Variants in ZNF567 observed in about 807,000 individuals in gnomAD.
ZNF567 encodes zinc finger protein 567.
ZNF567 carries 36 observed loss-of-function variants against 53.9 expected under a neutral mutation model. The observed-to-expected ratio is 0.67, with a 90% CI of 0.51 to 0.88. The LOEUF (loss-of-function observed/expected upper bound fraction) is 0.88. Among genes scored for constraint, ZNF567 ranks in the 40% least tolerant of loss-of-function variants. The probability of loss-of-function intolerance (pLI) is 0.00; values close to 1 mark genes in which losing one functional copy is unlikely to be tolerated. For synonymous variants in ZNF567, 224 were observed against 260.4 expected (o/e 0.86, Z 1.35); for missense variants, 619 against 764.7 (o/e 0.81, Z 2.25).
the ZNF567 span, among the ~76,000 whole-genome samples, chr19:36,673,518 A>G: frequency 5.3e-5 from 8 of 152,190 alleles, no homozygotes; most frequent in African/African-American, 1.9e-4. Flanking sequence ...CTAATGTCTG[A>G]GCAAGAGGGA....
At chr19:36,723,348 T>A (rs1240396256), downstream of ZNF567, 1 of 679,864 alleles carries the variant, frequency 1.5e-6, no homozygotes, top group East Asian at 2.7e-5. Flanking sequence ...ATCTGTGGCA[T>A]CACTGCATGT....
At chr19:36,721,523 A>G (rs1198157014), downstream of ZNF567, among the ~76,000 whole-genome samples, 1 of 152,144 alleles carries the variant, frequency 6.6e-6, no homozygotes, top group Non-Finnish European at 1.5e-5. Flanking sequence ...TGAATGCAGT[A>G]TATGTAGAAG....
intron 4 of ZNF567, 93 bp from the exon 5 acceptor site, chr19:36,712,688 G>C: frequency 7.2e-7 from 1 of 1,385,190 alleles, no homozygotes. Context: ...TACACAAATG[G>C]GTGTCTTAAT....
Position 36,719,622 on chromosome 19 carries a change from C to A in ZNF567, c.898C>A (p.Gln300Lys). The change falls in exon 6 of 6, where the codon CAG (glutamine) becomes AAG (lysine). Residue 300 changes from glutamine (Q) to lysine (K), a missense_variant. Gln to Lys is a moderately conservative substitution (Grantham distance 53). Coordinates refer to ENST00000682579, the MANE Select transcript of ZNF567 (RefSeq NM_001322917.1). ...AAGGAAATCATATCTCATTGATCAT[C>A]AGAGAACTCACACAGGAGAGAAACC... ...FRRKSYLIDH[Q>K]RTHTGEKPFV... is the part of the protein sequence containing the mutation. 1 of 1,613,996 alleles carries A rather than the reference C, an allele frequency of 6.2e-7. No individual in the cohort carries two copies. The highest frequency in any genetic ancestry group is 1.1e-5 in the South Asian group (1 of 91,074).
At chr19:36,684,437 A>G (rs1050731876), upstream of ZNF567, among the ~76,000 whole-genome samples, 4 of 152,212 alleles carry the variant, frequency 2.6e-5, no homozygotes, top group South Asian at 2.1e-4. Context: ...TGTATGATAC[A>G]TGGAATGCAA....
At chr19:36,708,872 T>C (rs2039633453) in intron 3 of ZNF567, among the ~76,000 whole-genome samples, 1 of 152,236 alleles carries the variant, frequency 6.6e-6, no homozygotes. Context: ...ATTTCATTCC[T>C]CTGTTAGCTT....
intron 3 of ZNF567, among the ~76,000 whole-genome samples, chr19:36,705,485 T>C (rs984405092): frequency 3.3e-5 from 5 of 152,214 alleles, no homozygotes; most frequent in Admixed American, 6.5e-5. Context: ...TTGGGGATTT[T>C]CCAAATAGCT....
At chr19:36,709,358 G>C (rs1478813417) in intron 3 of ZNF567, among the ~76,000 whole-genome samples, 1 of 152,036 alleles carries the variant, frequency 6.6e-6, no homozygotes, top group Non-Finnish European at 1.5e-5. Context: ...GCTTGAAACA[G>C]TCATATCTCA....
At chr19:36,724,105 C>T (rs1461433710), downstream of ZNF567, among the ~76,000 whole-genome samples, 1 of 145,684 alleles carries the variant, frequency 6.9e-6, no homozygotes, top group African/African-American at 2.5e-5. Flanking sequence ...CTCCTGGGTT[C>T]AAGCGATTCT....
chr19:36,718,803 A>G (rs1221378639), intron 5 of ZNF567, 145 bp from the exon 6 acceptor site: 2 of 544,744 alleles, frequency 3.7e-6, no homozygotes, highest in Non-Finnish European at 6.3e-6. Flanking sequence ...GTTTTTGTTT[A>G]GGTTCCCCTC....
intron 3 of ZNF567, among the ~76,000 whole-genome samples, chr19:36,708,793 AC>A (rs2039628511): frequency 6.6e-6 from 1 of 151,704 alleles, no homozygotes; most frequent in Non-Finnish European, 1.5e-5. Context: ...ATTCCTCCTA[AC>A]CCGTTCTTGC....
At chr19:36,675,990 A>T in the ZNF567 span, among the ~76,000 whole-genome samples, 101,353 of 150,978 alleles carry the variant, frequency 0.67, 34,345 homozygotes, top group East Asian at 0.82. Flanking sequence ...CTGTACATAT[A>T]ATAACCTACT....
At chr19:36,683,407 T>C (rs1396583424), upstream of ZNF567, among the ~76,000 whole-genome samples, 3 of 152,216 alleles carry the variant, frequency 2.0e-5, no homozygotes, top group Non-Finnish European at 4.4e-5. Context: ...ATCACATTTT[T>C]CTACCTACAA....
At chr19:36,722,867 GTGTA>G (rs2040316106), downstream of ZNF567, among the ~76,000 whole-genome samples, 1 of 152,108 alleles carries the variant, frequency 6.6e-6, no homozygotes, top group Non-Finnish European at 1.5e-5. Flanking sequence ...ACACACGTGT[GTGTA>G]TGTGTGTATA....
At chr19:36,721,744 CT>C (rs5827963), downstream of ZNF567, among the ~76,000 whole-genome samples, 21 of 101,516 alleles carry the variant, frequency 2.1e-4, no homozygotes, top group East Asian at 9.8e-4. Flanking sequence ...TTTTTTTTTT[CT>C]TTTTTTTTTT....
In ZNF567 at chr19:36,720,303, C is replaced by T; in HGVS notation, c.1579C>T (p.His527Tyr). 1 of 1,614,144 alleles carries T rather than the reference C, an allele frequency of 6.2e-7. No individual in the cohort carries two copies. The highest frequency in any genetic ancestry group is 8.5e-7 in the Non-Finnish European group (1 of 1,180,022). Residue 527 changes from histidine to tyrosine, a missense_variant, in exon 6 of 6, where the codon CAT becomes TAT. His to Tyr is a moderately conservative substitution (Grantham distance 83). Coordinates refer to ENST00000682579, the MANE Select transcript of ZNF567 (RefSeq NM_001322917.1). The part of the protein sequence containing the change: ...KTNLNLHQRI[H>Y]TGEKPYVCNE... Reference sequence around the variant, plus strand: ...AAATCTCAATCTACATCAGAGAATTCATACAGGGGAGAAACCCTATGTTTG... The same window carrying T: ...AAATCTCAATCTACATCAGAGAATTTATACAGGGGAGAAACCCTATGTTTG...
chr19:36,685,436 A>G (rs1310166356), upstream of ZNF567: 1 of 152,240 alleles, frequency 6.6e-6, no homozygotes, highest in African/African-American at 2.4e-5. Context: ...CTGAGTCTAC[A>G]TACCCGTGAA....
At chr19:36,692,147 CTTTG>C (rs1045002307) in intron 2 of ZNF567, among the ~76,000 whole-genome samples, 12 of 152,172 alleles carry the variant, frequency 7.9e-5, no homozygotes, top group South Asian at 2.1e-4. Flanking sequence ...AGATACATGT[CTTTG>C]TTTGTCATGG....
At chr19:36,676,755 C>T in the ZNF567 span, among the ~76,000 whole-genome samples, 15 of 152,130 alleles carry the variant, frequency 9.9e-5, no homozygotes, top group African/African-American at 3.6e-4. Context: ...CGGTGGCTCG[C>T]GCTTGTAATC....
Sources: gnomAD v4.1 joint callset for allele counts (sites outside exome capture counted in the v4.1 genomes callset) on GRCh38, gnomAD v4.1.1 for gene constraint, MANE v1.5 for transcripts, NCBI Gene and HGNC (gene_info 2026-07-23, HGNC 2026-07-21) for gene names.